Variants in CMIP observed in about 807,000 individuals in gnomAD.
The protein encoded by CMIP is c-Maf inducing protein, also known as C-Maf-inducing protein.
CMIP carries 13 observed loss-of-function variants against 97.3 expected under a neutral mutation model. That is an observed-to-expected ratio of 0.13 (90% CI 0.09 to 0.21). CMIP has a LOEUF of 0.21. Ranked by LOEUF, CMIP falls within the 10% of genes least tolerant of loss-of-function variation. The probability of loss-of-function intolerance (pLI) is 1.00; values close to 1 mark genes in which losing one functional copy is unlikely to be tolerated. For missense variants in CMIP, 847 were observed against 1,024.9 expected (o/e 0.83, Z 2.37); for synonymous variants, 538 against 436.3 (o/e 1.23, Z -2.91).
rs745924464 is a variant in CMIP at position 81,503,589 on chromosome 16, G to T, written c.300+58048G>T. Among the ~76,000 whole-genome samples, 22 of 152,296 alleles carry T rather than the reference G, an allele frequency of 1.4e-4. 1 individual carries two copies. Among genetic ancestry groups the T allele is most frequent in the Admixed American group, 1.1e-3 (17 of 15,292 alleles). The stretch of plus-strand genomic sequence containing the variant: ...TTTTTAAATTTTTTTGTACAGACAG[G>T]TCTCTCTGTGTTGCTGAGGTTGTTC... On this transcript the variant is annotated intron_variant, in intron 1 of 20. Coordinates refer to ENST00000537098, the MANE Select transcript of CMIP (RefSeq NM_198390.3).
chr16:81,671,198 A>T (rs1296332436), intron 8 of CMIP, among the ~76,000 whole-genome samples: 2 of 152,234 alleles, frequency 1.3e-5, no homozygotes, highest in Non-Finnish European at 2.9e-5. Flanking sequence ...TTTCCTAAAT[A>T]TGCCCACTTG....
At chr16:81,555,687 A>G (rs577376989) in intron 1 of CMIP, among the ~76,000 whole-genome samples, 1 of 152,302 alleles carries the variant, frequency 6.6e-6, no homozygotes, top group African/African-American at 2.4e-5. Context: ...GGTCCCCACC[A>G]GGGTATACTG....
intron 1 of CMIP, among the ~76,000 whole-genome samples, chr16:81,543,699 G>A (rs1174857972): frequency 6.6e-6 from 1 of 152,150 alleles, no homozygotes; most frequent in Non-Finnish European, 1.5e-5. Flanking sequence ...ACAGTGCCTG[G>A]CTTCTATATC....
chr16:81,500,899 C>G (rs534019165), intron 1 of CMIP, among the ~76,000 whole-genome samples: 1 of 152,198 alleles, frequency 6.6e-6, no homozygotes, highest in African/African-American at 2.4e-5. Context: ...GCATCTGCGT[C>G]TTTGAAGTCC....
intron 1 of CMIP, among the ~76,000 whole-genome samples, chr16:81,498,448 C>A (rs562960806): frequency 6.6e-6 from 1 of 152,216 alleles, no homozygotes; most frequent in African/African-American, 2.4e-5. Context: ...CCCCCTGGGG[C>A]TGCTCGGCAG....
chr16:81,508,725 C>T (rs1007346925), intron 1 of CMIP, among the ~76,000 whole-genome samples: 2 of 152,212 alleles, frequency 1.3e-5, no homozygotes, highest in Non-Finnish European at 2.9e-5. Context: ...GAGGGTGCTC[C>T]GTGAGACAGA....
At chr16:81,575,085 A>G (rs2091165845) in intron 1 of CMIP, among the ~76,000 whole-genome samples, 1 of 152,186 alleles carries the variant, frequency 6.6e-6, no homozygotes, top group African/African-American at 2.4e-5. Flanking sequence ...TCGTAATATA[A>G]TAACTGAGTA....
In CMIP at chr16:81,705,510, T is replaced by C; in HGVS notation, c.2103T>C (p.Ala701=). ...TCTGTGCTCTACAGTTTGGAGACGC[T>C]GGCCTTCGGCTCCTGTCGGAACACC... ...LNLWSTQFGD[A]GLRLLSEHLT... Residue 701 remains alanine, a synonymous_variant, in exon 19 of 21, where the codon GCT becomes GCC. Coordinates refer to ENST00000537098, the MANE Select transcript of CMIP (RefSeq NM_198390.3). The C allele has an allele frequency of 6.2e-7, 1 of 1,604,332 alleles. No individual in the cohort carries two copies. The highest frequency in any genetic ancestry group is 1.7e-4 in the Middle Eastern group (1 of 6,052).
At chr16:81,695,043 G>A (rs1906548327) in intron 13 of CMIP, among the ~76,000 whole-genome samples, 1 of 152,198 alleles carries the variant, frequency 6.6e-6, no homozygotes, top group African/African-American at 2.4e-5. Flanking sequence ...AACAAAAGTG[G>A]CATCAGCTGC....
chr16:81,487,103 C>T lies in CMIP; in HGVS notation c.300+41562C>T, dbSNP rs527701863. Among the ~76,000 whole-genome samples, 10 of 152,280 alleles carry T rather than the reference C, an allele frequency of 6.6e-5. No individual in the cohort carries two copies. In the South Asian group the frequency reaches 2.1e-3, roughly 32 times the overall value. The stretch of plus-strand genomic sequence containing the variant: ...GGGACGCCTGCTGGGCTGTGCTTGG[C>T]CTCTGGTCATGGGGGGCCCTGAGAA... On this transcript the variant is annotated intron_variant, in intron 1 of 20. Coordinates refer to ENST00000537098, the MANE Select transcript of CMIP (RefSeq NM_198390.3).
rs545966102 is a variant in CMIP, at chr16:81,525,212, C to T, written c.300+79671C>T. The stretch of plus-strand genomic sequence containing the variant: ...AGGCTGGAGTGCAGTGGCACAATCT[C>T]GGCTCCCCACAACCACCATCTCCCA... On this transcript the variant is annotated intron_variant, in intron 1 of 20. Transcript: ENST00000537098. 3.9e-5 allele frequency among the ~76,000 whole-genome samples: 6 copies of T among 152,188 alleles called. 1 individual carries two copies. The highest frequency in any genetic ancestry group is 6.8e-3 in the Middle Eastern group (2 of 294).
At position 81,610,507 on chromosome 16, in the gene CMIP, C is replaced by A. The variant is rs551946424; in HGVS notation, c.426+2815C>A. ...CGAGCTAATGAGGGAGCAGCAGACA[C>A]GGCCTCCCAACCCTTCCCCCAAGGG... On this transcript the variant is annotated intron_variant, in intron 2 of 20. Coordinates refer to ENST00000537098, the MANE Select transcript of CMIP (RefSeq NM_198390.3). 1.0e-5 allele frequency: 10 copies of A among 985,470 alleles called. No homozygotes were observed. The Admixed American group carries it at 5.5e-4, about 54-fold the overall frequency. The allele number at this position is 985,470 out of a possible 1,614,324, so 61.0% of individuals were successfully genotyped here. A position where few individuals can be genotyped will look rare whatever the true frequency, so the allele number is the denominator to read the frequency against.
chr16:81,633,330 G>C (rs1041421852), intron 3 of CMIP, among the ~76,000 whole-genome samples: 22 of 152,336 alleles, frequency 1.4e-4, no homozygotes, highest in African/African-American at 5.3e-4. Flanking sequence ...GCCTGGAAGA[G>C]GGAGGTGGCC....
At chr16:81,458,713 G>A (rs781409282) in intron 1 of CMIP, among the ~76,000 whole-genome samples, 16 of 152,208 alleles carry the variant, frequency 1.1e-4, no homozygotes, top group Non-Finnish European at 2.4e-4. Flanking sequence ...AGGTTGATTA[G>A]GAGGGCTGGC....
intron 10 of CMIP, among the ~76,000 whole-genome samples, chr16:81,686,978 G>A (rs927187530): frequency 3.9e-5 from 6 of 151,900 alleles, no homozygotes; most frequent in Admixed American, 2.0e-4. Context: ...TCTCTGCAGC[G>A]CCTCCCCAAC....
chr16:81,485,115 AT>A (rs1282992041), intron 1 of CMIP, among the ~76,000 whole-genome samples: 1 of 152,100 alleles, frequency 6.6e-6, no homozygotes, highest in South Asian at 2.1e-4. Flanking sequence ...CAGACGTCTT[AT>A]TTTTTATTCC....
chr16:81,628,253 C>G (rs1165748092), intron 3 of CMIP, among the ~76,000 whole-genome samples: 1 of 152,154 alleles, frequency 6.6e-6, no homozygotes, highest in African/African-American at 2.4e-5. Context: ...AAGAGCCACT[C>G]CTAGTGTCCT....
At chr16:81,534,783 T>C (rs1031614759) in intron 1 of CMIP, among the ~76,000 whole-genome samples, 5 of 152,242 alleles carry the variant, frequency 3.3e-5, no homozygotes, top group South Asian at 2.1e-4. Context: ...TTGTCTGTTA[T>C]CATTCACTCA....
Position 81,652,046 on chromosome 16 carries a change from C to A in CMIP, c.478-157C>A, listed in dbSNP as rs1300097263. ...TGACTTTGGATGAGACCCTTCCTCT[C>A]TCGGGGTGTCAGTTTCCTTATAAAC... On this transcript the variant is annotated intron_variant, in intron 3 of 20. Coordinates refer to ENST00000537098, the MANE Select transcript of CMIP (RefSeq NM_198390.3). This position sits in a 1 kb window ranked among gnomAD's most constrained non-coding sequence, Gnocchi z 5.2. 6.6e-6 allele frequency among the ~76,000 whole-genome samples: 1 copy of A among 152,138 alleles called. No individual in the cohort carries two copies. Among genetic ancestry groups the A allele is most frequent in the African/African-American group, 2.4e-5 (1 of 41,430 alleles).
Sources: allele counts gnomAD v4.1 joint callset (sites outside exome capture counted in the v4.1 genomes callset), GRCh38; gene constraint gnomAD v4.1.1; non-coding constraint Gnocchi (gnomAD v3.1); transcripts MANE v1.5; gene names NCBI Gene and HGNC (gene_info 2026-07-23, HGNC 2026-07-21).